IGSF10: variants seen among roughly 807,000 people sequenced by gnomAD.
IGSF10 encodes the protein immunoglobulin superfamily member 10, also known as calvaria mechanical force protein 608.
Under a neutral mutation model 128.2 loss-of-function variants are expected in IGSF10, and 126 were observed. That is an observed-to-expected ratio of 0.98 (90% CI 0.85 to 1.14). The LOEUF is 1.14. Among genes scored for constraint, IGSF10 ranks in the 50% most tolerant of loss-of-function variants. The pLI is 0.00. For missense variants in IGSF10, 3,295 were observed against 3,149.8 expected (o/e 1.05, Z -1.10); for synonymous variants, 1,185 against 1,146.2 (o/e 1.03, Z -0.68).
rs1427472409 is a variant in IGSF10 at position 151,443,160 on chromosome 3, T to C, written c.5787A>G (p.Val1929=). 5 of 1,614,160 alleles carry C rather than the reference T, an allele frequency of 3.1e-6. No individual in the cohort carries two copies. Among genetic ancestry groups the C allele is most frequent in the East Asian group, 2.2e-5 (1 of 44,902 alleles). ...CTCGCTCTTCCATTGTAAGCATTAC[T>C]ACTCTTCGCTCCGAACCAGTGGAAC... is the stretch of plus-strand genomic sequence containing the variant. ...ATSSTGSERR[V]VMLTMEERVT... Residue 1929 remains valine, a synonymous_variant, in exon 7 of 8, where the codon GTA becomes GTG. Transcript: ENST00000282466.
the IGSF10 span, among the ~76,000 whole-genome samples, chr3:151,521,931 A>G: frequency 6.6e-6 from 1 of 151,946 alleles, no homozygotes; most frequent in Non-Finnish European, 1.5e-5. Context: ...TGGCTTTTTG[A>G]AAAAAATAAG....
In IGSF10 at chr3:151,437,877, C is replaced by G; in HGVS notation, c.6684G>C (p.Leu2228=). ...TTAATGGAGGTTTAGAGACCACATCCAGTTTGTACATTTTGGTGTCATCCC... is the reference window on the plus strand; with the variant it reads ...TTAATGGAGGTTTAGAGACCACATCGAGTTTGTACATTTTGGTGTCATCCC... ...PSGDDTKMYK[L]DVVSKPPLIN... The change falls in exon 8 of 8, where the codon CTG becomes CTC. Residue 2228 remains leucine (L), a synonymous_variant. Coordinates refer to ENST00000282466, the MANE Select transcript of IGSF10 (RefSeq NM_178822.5). 6.2e-7 allele frequency: 1 copy of G among 1,614,074 alleles called. No individual in the cohort carries two copies. The highest frequency in any genetic ancestry group is 8.5e-7 in the Non-Finnish European group (1 of 1,179,934).
chr3:151,526,676 G>A, the IGSF10 span, among the ~76,000 whole-genome samples: 3 of 152,144 alleles, frequency 2.0e-5, no homozygotes, highest in African/African-American at 7.2e-5. Context: ...TTTCCTTGAT[G>A]TTTTTCTCAT....
At chr3:151,535,720 C>CCTG in the IGSF10 span, among the ~76,000 whole-genome samples, 1 of 152,050 alleles carries the variant, frequency 6.6e-6, no homozygotes, top group African/African-American at 2.4e-5. Context: ...GGAAATCTTT[C>CCTG]AATTCTAATT....
At position 151,460,996 on chromosome 3, in the gene IGSF10, G is replaced by C. The variant is rs1182915547; in HGVS notation, c.-139C>G. On this transcript the variant is annotated 5_prime_UTR_variant, in exon 1 of 8. Transcript: ENST00000282466. ...TCGAGCTGCCCGGGCTAGGTCCCGG[G>C]CTCGGTCCCGGGCTCAGCTGCTGGG... 4 of 981,504 alleles carry C rather than the reference G, an allele frequency of 4.1e-6. No individual in the cohort carries two copies. Among genetic ancestry groups the C allele is most frequent in the Admixed American group, 1.2e-4 (2 of 16,240 alleles). 60.8% of individuals were successfully genotyped at this position (981,504 alleles called of 1,614,324 possible). A position where few individuals can be genotyped will look rare whatever the true frequency, so the allele number is the denominator to read the frequency against.
chr3:151,447,741 G>A lies in IGSF10; in HGVS notation c.2240C>T (p.Ser747Phe). The A allele has an allele frequency of 6.2e-7, 1 of 1,614,146 alleles. No homozygotes were observed. The highest frequency in any genetic ancestry group is 1.1e-5 in the South Asian group (1 of 91,074). The stretch of plus-strand genomic sequence containing the variant: ...ATGTTGTGGGTCAATTCTCCTAGCA[G>A]AGGGAGGGAAATGCCTCCTATTCTC... Reference protein sequence around the residue: ...FRENRRHFPPSARRIDPQHWA... With the variant: ...FRENRRHFPPFARRIDPQHWA... The change falls in exon 6 of 8, where the codon TCT (serine) becomes TTT (phenylalanine). Residue 747 changes from serine to phenylalanine, a missense_variant. By Grantham distance (155) the Ser-to-Phe change is radical. Transcript: ENST00000282466.
At chr3:151,554,606 T>G in the IGSF10 span, among the ~76,000 whole-genome samples, 1 of 152,200 alleles carries the variant, frequency 6.6e-6, no homozygotes, top group African/African-American at 2.4e-5. Context: ...TCTGAAGTGG[T>G]TATAAAGTCA....
At chr3:151,496,519 C>T in the IGSF10 span, among the ~76,000 whole-genome samples, 2 of 122,574 alleles carry the variant, frequency 1.6e-5, no homozygotes, top group East Asian at 2.5e-4. Context: ...CTACAAAGGA[C>T]ATGAACTCAT....
Position 151,448,035 on chromosome 3 carries a change from T to A in IGSF10, c.1946A>T (p.Asn649Ile). 6.2e-7 allele frequency: 1 copy of A among 1,614,160 alleles called. No homozygotes were observed. Among genetic ancestry groups the A allele is most frequent in the Non-Finnish European group, 8.5e-7 (1 of 1,180,034 alleles). The stretch of plus-strand genomic sequence containing the variant: ...AATCAAAAAATCAACCCCTGATGGG[T>A]TGGCTGCCACACAGCGATAATAACC... ...DQGYYRCVAA[N>I]PSGVDFLIFQ... is the part of the protein sequence containing the mutation. The change falls in exon 6 of 8, where the codon AAC (asparagine) becomes ATC (isoleucine). Residue 649 changes from asparagine to isoleucine, a missense_variant. Physicochemically the swap from Asn to Ile is moderately radical, Grantham distance 149. Coordinates refer to ENST00000282466, the MANE Select transcript of IGSF10 (RefSeq NM_178822.5).
In IGSF10 at chr3:151,446,424, G is replaced by A. The variant is rs1169364682; in HGVS notation, c.3557C>T (p.Thr1186Ile). The A allele has an allele frequency of 3.7e-6, 6 of 1,613,914 alleles. No homozygotes were observed. Among genetic ancestry groups the A allele is most frequent in the Non-Finnish European group, 4.2e-6 (5 of 1,179,912 alleles). ...VITSSLSGAI[T>I]KPPMTIIAIT... is the part of the protein sequence containing the mutation. ...GGCTATAATAGTCATTGGTGGCTTG[G>A]TGATAGCACCTGAAAGTGACGATGT... The change falls in exon 6 of 8, where the codon ACC (threonine) becomes ATC (isoleucine). Residue 1186 changes from threonine (T) to isoleucine (I), a missense_variant. Thr to Ile is a moderately conservative substitution (Grantham distance 89). Coordinates refer to ENST00000282466, the MANE Select transcript of IGSF10 (RefSeq NM_178822.5).
intron 7 of IGSF10, among the ~76,000 whole-genome samples, chr3:151,441,234 C>CTT (rs931934954): frequency 1.3e-5 from 2 of 152,124 alleles, no homozygotes; most frequent in Admixed American, 1.3e-4. Context: ...ATTGATGTTT[C>CTT]TTTTTATAAA....
At chr3:151,617,305 TTCTTCTTC>T in the IGSF10 span, among the ~76,000 whole-genome samples, 4 of 132,392 alleles carry the variant, frequency 3.0e-5, no homozygotes, top group Non-Finnish European at 4.8e-5. Context: ...CTTCTTCTTC[TTCTTCTTC>T]TTCTTCCCCT....
At chr3:151,536,173 A>G in the IGSF10 span, among the ~76,000 whole-genome samples, 1 of 152,130 alleles carries the variant, frequency 6.6e-6, no homozygotes, top group Non-Finnish European at 1.5e-5. Flanking sequence ...CTGAGCAGGA[A>G]GCAGGGAAAA....
At chr3:151,594,694 T>G in the IGSF10 span, among the ~76,000 whole-genome samples, 1 of 150,924 alleles carries the variant, frequency 6.6e-6, no homozygotes, top group Non-Finnish European at 1.5e-5. Flanking sequence ...GTCTACCAAA[T>G]TTGAGTTTTA....
the IGSF10 span, among the ~76,000 whole-genome samples, chr3:151,496,089 C>T: frequency 6.6e-6 from 1 of 152,084 alleles, no homozygotes; most frequent in African/African-American, 2.4e-5. Flanking sequence ...CTAGAAGCCA[C>T]TTTTGCATCT....
rs752002302 is a variant in IGSF10 at position 151,446,448 on chromosome 3, G to A, written c.3533C>T (p.Thr1178Ile). The A allele has an allele frequency of 1.4e-5, 22 of 1,613,974 alleles. No individual in the cohort carries two copies. The Admixed American group carries it at 2.7e-4, about 20-fold the overall frequency. The change falls in exon 6 of 8, where the codon ACA becomes ATA. Residue 1178 changes from threonine (T) to isoleucine (I), a missense_variant. Thr to Ile is a moderately conservative substitution (Grantham distance 89). Coordinates refer to ENST00000282466, the MANE Select transcript of IGSF10 (RefSeq NM_178822.5). The part of the protein sequence containing the change: ...TNEAKRDSVI[T>I]SSLSGAITKP... ...GGTGATAGCACCTGAAAGTGACGATGTAATCACTGAATCTCTTTTAGCTTC... is the reference window on the plus strand; with the variant it reads ...GGTGATAGCACCTGAAAGTGACGATATAATCACTGAATCTCTTTTAGCTTC...
chr3:151,490,026 G>T, the IGSF10 span, among the ~76,000 whole-genome samples: 1 of 151,772 alleles, frequency 6.6e-6, no homozygotes, highest in African/African-American at 2.4e-5. Context: ...AAACAAAATG[G>T]CAGTAATAAG....
At chr3:151,587,049 GT>G in the IGSF10 span, among the ~76,000 whole-genome samples, 1 of 152,084 alleles carries the variant, frequency 6.6e-6, no homozygotes. Context: ...TATAGCATTT[GT>G]TTTGGTAAGA....
At chr3:151,485,916 G>C in the IGSF10 span, among the ~76,000 whole-genome samples, 1 of 152,134 alleles carries the variant, frequency 6.6e-6, no homozygotes, top group Non-Finnish European at 1.5e-5. Flanking sequence ...TAACCAGCTA[G>C]CATCATAATG....
Sources: gnomAD v4.1 joint callset for allele counts (sites outside exome capture counted in the v4.1 genomes callset) on GRCh38, gnomAD v4.1.1 for gene constraint, MANE v1.5 for transcripts, NCBI Gene and HGNC (gene_info 2026-07-23, HGNC 2026-07-21) for gene names.